The following UCHL5 variants were observed in gnomAD, a reference collection of about 807,000 sequenced individuals.
UCHL5 encodes the protein ubiquitin carboxyl-terminal hydrolase isozyme L5.
Under a neutral mutation model 53.8 loss-of-function variants are expected in UCHL5, and 34 were observed. The observed-to-expected ratio is 0.63, with a 90% CI of 0.48 to 0.84. UCHL5 has a LOEUF of 0.84. Ranked by LOEUF, UCHL5 falls within the 40% of genes least tolerant of loss-of-function variation. UCHL5 has a pLI of 0.00. For synonymous variants in UCHL5, 111 were observed against 126.3 expected, an observed-to-expected ratio of 0.88 and a Z score of 0.81; for missense variants, 290 against 385.6, an observed-to-expected ratio of 0.75 and a Z score of 2.08.
upstream of UCHL5, chr1:193,059,703 T>C (rs780653948): frequency 1.5e-5 from 21 of 1,355,698 alleles, no homozygotes; most frequent in Non-Finnish European, 2.1e-5. The surrounding 1 kb of genome is among the most constrained non-coding windows in gnomAD (Gnocchi z 4.9). Flanking sequence ...CTGCCTTCTT[T>C]TGTCGTTTCC....
At chr1:193,057,086 G>A (rs1021081213) in intron 1 of UCHL5, among the ~76,000 whole-genome samples, 2 of 152,156 alleles carry the variant, frequency 1.3e-5, no homozygotes, top group Non-Finnish European at 2.9e-5. Flanking sequence ...GGTTTTGAAC[G>A]TAAAATATAT....
chr1:193,044,980 A>T (rs1666900279), intron 3 of UCHL5, among the ~76,000 whole-genome samples: 1 of 152,232 alleles, frequency 6.6e-6, no homozygotes, highest in South Asian at 2.1e-4. Flanking sequence ...AATGTAACAC[A>T]GAACTAAAAA....
chr1:193,033,942 A>G (rs1662451531), intron 3 of UCHL5, among the ~76,000 whole-genome samples: 1 of 152,218 alleles, frequency 6.6e-6, no homozygotes, highest in South Asian at 2.1e-4. Flanking sequence ...TTCAAGAGAC[A>G]ATGAGCATAT....
At chr1:193,032,639 C>T (rs1661874338) in intron 3 of UCHL5, among the ~76,000 whole-genome samples, 1 of 151,972 alleles carries the variant, frequency 6.6e-6, no homozygotes, top group Non-Finnish European at 1.5e-5. Flanking sequence ...CTGACAAAGG[C>T]TAATACACAG....
chr1:193,021,249 T>C, intron 9 of UCHL5, 54 bp from the exon 10 acceptor site: 2 of 1,222,456 alleles, frequency 1.6e-6, no homozygotes, highest in Non-Finnish European at 2.4e-6. Flanking sequence ...TTTTGATATT[T>C]TATTCTTTGC....
In UCHL5 at chr1:193,029,244, C is replaced by G; in HGVS notation, c.500G>C (p.Ser167Thr). Residue 167 changes from serine to threonine, a missense_variant, in exon 6 of 11, where the codon AGT (serine) becomes ACT (threonine). Physicochemically the swap from Ser to Thr is moderately conservative, Grantham distance 58. Coordinates refer to ENST00000367454, the MANE Select transcript of UCHL5 (RefSeq NM_001199261.3). Reference protein sequence around the residue: ...AKEEDAFHFVSYVPVNGRLYE... With the variant: ...AKEEDAFHFVTYVPVNGRLYE... Reference sequence around the variant, plus strand: ...CAGTCTCCCATTAACAGGAACATAACTGACAAAGTGAAAAGCATCTTCTTC... The same window carrying G: ...CAGTCTCCCATTAACAGGAACATAAGTGACAAAGTGAAAAGCATCTTCTTC... 1 of 1,613,842 alleles carries G rather than the reference C, an allele frequency of 6.2e-7. No homozygotes were observed. Among genetic ancestry groups the G allele is most frequent in the South Asian group, 1.1e-5 (1 of 91,084 alleles).
At chr1:193,038,544 G>C (rs543241705) in intron 3 of UCHL5, among the ~76,000 whole-genome samples, 1 of 151,754 alleles carries the variant, frequency 6.6e-6, no homozygotes, top group Admixed American at 6.6e-5. Context: ...ACGTAATATT[G>C]CAAGTCCTGC....
chr1:193,040,502 G>C (rs1348998739), intron 3 of UCHL5, among the ~76,000 whole-genome samples: 3 of 152,200 alleles, frequency 2.0e-5, no homozygotes, highest in African/African-American at 7.2e-5. Context: ...GATAAGTGGT[G>C]AGGATGTGGA....
intron 1 of UCHL5, among the ~76,000 whole-genome samples, chr1:193,058,691 C>T (rs770534581): frequency 6.6e-6 from 1 of 152,230 alleles, no homozygotes; most frequent in Non-Finnish European, 1.5e-5. Context: ...ACATTCAAGG[C>T]GTTCTGCTTT....
chr1:193,019,286 A>T (rs1656020209), intron 10 of UCHL5, among the ~76,000 whole-genome samples: 1 of 151,620 alleles, frequency 6.6e-6, no homozygotes, highest in South Asian at 2.1e-4. Flanking sequence ...CCTTTCCCAA[A>T]TTGTACCATG....
chr1:193,043,335 A>C (rs1162604761), intron 3 of UCHL5, among the ~76,000 whole-genome samples: 2 of 151,920 alleles, frequency 1.3e-5, no homozygotes, highest in Non-Finnish European at 2.9e-5. Context: ...ACCTTTTACT[A>C]GTCTTACTCA....
upstream of UCHL5, chr1:193,059,622 G>A (rs777424002): frequency 5.7e-6 from 8 of 1,412,908 alleles, no homozygotes; most frequent in African/African-American, 1.1e-4. This position sits in a 1 kb window ranked among gnomAD's most constrained non-coding sequence, Gnocchi z 4.9. Flanking sequence ...ACTCGTTCCC[G>A]GGAACCGAAC....
intron 10 of UCHL5, chr1:193,019,873 C>T: frequency 1.0e-6 from 1 of 960,878 alleles, no homozygotes; most frequent in Non-Finnish European, 1.2e-6. Flanking sequence ...TCCCTAGTAA[C>T]ATTTATCTAA....
intron 3 of UCHL5, among the ~76,000 whole-genome samples, chr1:193,044,225 G>A (rs963980187): frequency 6.6e-6 from 1 of 152,018 alleles, no homozygotes; most frequent in Non-Finnish European, 1.5e-5. Flanking sequence ...TTGCTTCCAC[G>A]AAACTCTAAG....
chr1:193,022,514 A>T (rs1657444353), intron 9 of UCHL5, among the ~76,000 whole-genome samples: 2 of 152,000 alleles, frequency 1.3e-5, no homozygotes, highest in African/African-American at 4.8e-5. Flanking sequence ...ACAAAAAATT[A>T]GCCTAGCCAG....
At position 193,013,163 on chromosome 1, in the gene UCHL5, A is replaced by C. The variant is rs1024804053; in HGVS notation, c.*3188T>G. On this transcript the variant is annotated 3_prime_UTR_variant, in exon 11 of 11. Transcript: ENST00000367454. ...ACAGCAGGTTCCTCATTCCTTGAACACAACTACTGCAACATGTTCTAACAT... is the reference window on the plus strand; with the variant it reads ...ACAGCAGGTTCCTCATTCCTTGAACCCAACTACTGCAACATGTTCTAACAT... 3 of 152,212 alleles carry C rather than the reference A, an allele frequency of 2.0e-5. No homozygotes were observed. Among genetic ancestry groups the C allele is most frequent in the Admixed American group, 1.3e-4 (2 of 15,278 alleles). 9.4% of individuals were successfully genotyped at this position (152,212 alleles called of 1,614,324 possible). A position where few individuals can be genotyped will look rare whatever the true frequency, so the allele number is the denominator to read the frequency against.
rs1654355976 is a variant in UCHL5, at chr1:193,012,828, C to T, written c.*3523G>A. 6.6e-6 allele frequency: 1 copy of T among 152,144 alleles called. No homozygotes were observed. The highest frequency in any genetic ancestry group is 2.4e-5 in the African/African-American group (1 of 41,430). 9.4% of individuals were successfully genotyped at this position (152,144 alleles called of 1,614,324 possible). On this transcript the variant is annotated 3_prime_UTR_variant, in exon 11 of 11. Coordinates refer to ENST00000367454, the MANE Select transcript of UCHL5 (RefSeq NM_001199261.3). ...TAGCATCTAGAACAACTCAGATGTA[C>T]CTCATAAGATTGGCTGAATAAATCA... is the stretch of plus-strand genomic sequence containing the variant.
chr1:193,059,583 C>T (rs558260630), upstream of UCHL5: 1 of 1,479,164 alleles, frequency 6.8e-7, no homozygotes, highest in Non-Finnish European at 9.1e-7. The surrounding 1 kb of genome is among the most constrained non-coding windows in gnomAD (Gnocchi z 4.9). Context: ...CCCTCTGGGG[C>T]GGAGGCGGGG....
intron 3 of UCHL5, among the ~76,000 whole-genome samples, chr1:193,032,688 TAAAC>T (rs754115124): frequency 1.3e-5 from 2 of 151,512 alleles, no homozygotes; most frequent in South Asian, 2.1e-4. Flanking sequence ...AAGAAAAAAA[TAAAC>T]AACCCCATCA....
Sources: gnomAD v4.1 joint callset for allele counts (sites outside exome capture counted in the v4.1 genomes callset) on GRCh38, gnomAD v4.1.1 for gene constraint, Gnocchi (gnomAD v3.1) non-coding constraint, MANE v1.5 for transcripts, NCBI Gene and HGNC (gene_info 2026-07-23, HGNC 2026-07-21) for gene names.